The following MYRIP variants were observed in gnomAD, a reference collection of about 807,000 sequenced individuals.
MYRIP encodes the protein myosin VIIA and Rab interacting protein.
In MYRIP, 49 loss-of-function variants were observed where a neutral mutation model predicts 98.0. The observed-to-expected ratio is 0.50, with a 90% CI of 0.40 to 0.63. The LOEUF is 0.63. MYRIP is among the 30% of genes least tolerant of loss of function. MYRIP has a pLI of 0.00. For missense variants in MYRIP, 1,004 were observed against 1,058.2 expected (o/e 0.95, Z 0.71); for synonymous variants, 404 against 409.5 (o/e 0.99, Z 0.16).
chr3:39,906,001 C>A (rs74815493), intron 2 of MYRIP, among the ~76,000 whole-genome samples: 1 of 151,912 alleles, frequency 6.6e-6, no homozygotes, highest in East Asian at 1.9e-4. Flanking sequence ...TCCTGGGGAG[C>A]GTGCAGAGGT....
intron 1 of MYRIP, among the ~76,000 whole-genome samples, chr3:39,815,754 T>G (rs1242240945): frequency 6.6e-6 from 1 of 152,174 alleles, no homozygotes; most frequent in Non-Finnish European, 1.5e-5. Context: ...ATAGTGGTGA[T>G]AGTGGACCTC....
chr3:40,202,856 C>T (rs1004096816), intron 10 of MYRIP, among the ~76,000 whole-genome samples: 3 of 152,102 alleles, frequency 2.0e-5, no homozygotes, highest in Non-Finnish European at 2.9e-5. Flanking sequence ...AGAAATGTCT[C>T]GTACCTTCTT....
intron 3 of MYRIP, among the ~76,000 whole-genome samples, chr3:40,045,494 A>G (rs1042395221): frequency 1.3e-5 from 2 of 152,182 alleles, no homozygotes; most frequent in Non-Finnish European, 1.5e-5. Flanking sequence ...GGGATTATAG[A>G]TGAGCGTGCA....
At chr3:40,099,661 C>T (rs1948904304) in intron 3 of MYRIP, among the ~76,000 whole-genome samples, 2 of 152,180 alleles carry the variant, frequency 1.3e-5, no homozygotes, top group South Asian at 4.1e-4. Flanking sequence ...CCTGAGATTT[C>T]TCTTCCAATT....
chr3:40,192,827 G>C (rs1203428237), intron 10 of MYRIP, among the ~76,000 whole-genome samples: 1 of 152,194 alleles, frequency 6.6e-6, no homozygotes, highest in East Asian at 1.9e-4. Flanking sequence ...TCTTGGGCTG[G>C]TTAGCTGAGT....
chr3:40,187,853 T>C (rs1358359016), intron 9 of MYRIP, among the ~76,000 whole-genome samples: 1 of 152,160 alleles, frequency 6.6e-6, no homozygotes, highest in African/African-American at 2.4e-5. Context: ...GAGATGAGAA[T>C]GTCCTCCAGG....
chr3:40,205,101 C>G (rs1303333662), intron 10 of MYRIP, among the ~76,000 whole-genome samples: 1 of 152,128 alleles, frequency 6.6e-6, no homozygotes, highest in Non-Finnish European at 1.5e-5. Flanking sequence ...TTCGGCCTCC[C>G]TTGGAAGCCT....
chr3:40,149,485 A>G (rs1346246530), intron 3 of MYRIP, among the ~76,000 whole-genome samples: 1 of 152,240 alleles, frequency 6.6e-6, no homozygotes, highest in Non-Finnish European at 1.5e-5. Context: ...TATGGTGTTA[A>G]TCTCCATACT....
At chr3:39,895,152 C>T (rs1559513232) in intron 1 of MYRIP, among the ~76,000 whole-genome samples, 1 of 150,896 alleles carries the variant, frequency 6.6e-6, no homozygotes, top group Non-Finnish European at 1.5e-5. Context: ...GGATAATTAT[C>T]TTTCCTGGTT....
chr3:40,162,707 T>C (rs757987077), intron 4 of MYRIP, 23 bp from the exon 5 acceptor site: 1 of 1,607,486 alleles, frequency 6.2e-7, no homozygotes, highest in East Asian at 2.2e-5. Flanking sequence ...ATTCATTCTC[T>C]TCTCCCACCC....
At chr3:39,932,547 G>C (rs6800988) in intron 2 of MYRIP, among the ~76,000 whole-genome samples, 2 of 151,138 alleles carry the variant, frequency 1.3e-5, no homozygotes, top group African/African-American at 2.4e-5. Flanking sequence ...TTTTTTGGGG[G>C]TTTTTTTTGG....
chr3:40,254,735 C>A (rs1274702232), intron 16 of MYRIP, among the ~76,000 whole-genome samples: 1 of 152,074 alleles, frequency 6.6e-6, no homozygotes, highest in Non-Finnish European at 1.5e-5. Context: ...TTTGGGAACC[C>A]CCCCAGATTT....
At chr3:39,884,576 T>C (rs1246999150) in intron 1 of MYRIP, among the ~76,000 whole-genome samples, 1 of 152,124 alleles carries the variant, frequency 6.6e-6, no homozygotes, top group Non-Finnish European at 1.5e-5. Context: ...TGACTGCTTT[T>C]GAACTCAAAC....
intron 2 of MYRIP, among the ~76,000 whole-genome samples, chr3:39,916,906 C>A (rs1339499000): frequency 6.6e-6 from 1 of 152,052 alleles, no homozygotes; most frequent in South Asian, 2.1e-4. Flanking sequence ...TTTAGACATA[C>A]AACAGCCCAA....
In MYRIP at chr3:40,212,190, A is replaced by G. The variant is rs1318797579; in HGVS notation, c.1905+2097A>G. On this transcript the variant is annotated intron_variant, in intron 11 of 16. Transcript: ENST00000302541. ...TATACATATATATACGTGTATGTGTATATACATATATATACGTGTGTGTAT... is the reference window on the plus strand; with the variant it reads ...TATACATATATATACGTGTATGTGTGTATACATATATATACGTGTGTGTAT... Among the ~76,000 whole-genome samples the G allele has an allele frequency of 1.2e-4, 7 of 58,490 alleles. No individual in the cohort carries two copies. The East Asian group carries it at 1.8e-3, about 15-fold the overall frequency. The allele number at this position is 58,490 out of a possible 152,430, so 38.4% of individuals were successfully genotyped here.
Position 39,874,510 on chromosome 3 carries a change from G to A in MYRIP, c.-30-26277G>A, listed in dbSNP as rs376866370. Among the ~76,000 whole-genome samples, 767 of 152,216 alleles carry A rather than the reference G, an allele frequency of 5.0e-3. 2 individuals are homozygous for A. The highest frequency in any genetic ancestry group is 0.01 in the Middle Eastern group (3 of 294). ...GATAACTCTTATTATTTTGAGATAC[G>A]TCCCATCAATACCTAATTTATTGAG... is the stretch of plus-strand genomic sequence containing the variant. On this transcript the variant is annotated intron_variant, in intron 1 of 16. Coordinates refer to ENST00000302541, the MANE Select transcript of MYRIP (RefSeq NM_015460.4).
intron 2 of MYRIP, among the ~76,000 whole-genome samples, chr3:39,996,728 A>G (rs1002026890): frequency 3.3e-5 from 5 of 152,228 alleles, no homozygotes; most frequent in Admixed American, 3.3e-4. Flanking sequence ...AATAGAATAT[A>G]CATTCTTTAC....
At chr3:39,865,747 T>A (rs759025377) in intron 1 of MYRIP, among the ~76,000 whole-genome samples, 4 of 152,160 alleles carry the variant, frequency 2.6e-5, no homozygotes, top group Non-Finnish European at 5.9e-5. Flanking sequence ...AATTCATCTG[T>A]TTACTGGAAA....
At chr3:39,968,256 G>C (rs1238428924) in intron 2 of MYRIP, among the ~76,000 whole-genome samples, 1 of 151,338 alleles carries the variant, frequency 6.6e-6, no homozygotes, top group African/African-American at 2.4e-5. Flanking sequence ...CACAATCTCG[G>C]CTCACTGCAA....
Sources: allele counts gnomAD v4.1 joint callset (sites outside exome capture counted in the v4.1 genomes callset), GRCh38; gene constraint gnomAD v4.1.1; transcripts MANE v1.5; gene names NCBI Gene and HGNC (gene_info 2026-07-23, HGNC 2026-07-21).